Variants in HSF1 observed in about 807,000 individuals in gnomAD.
HSF1 encodes the protein heat shock factor protein 1.
A neutral mutation model predicts 51.7 loss-of-function variants in HSF1; 32 were observed. That is an observed-to-expected ratio of 0.62 (90% CI 0.47 to 0.83). The LOEUF is 0.83. Ranked by LOEUF, HSF1 falls within the 40% of genes least tolerant of loss-of-function variation. The pLI is 0.00. For synonymous variants in HSF1, 396 were observed against 309.7 expected, an observed-to-expected ratio of 1.28 and a Z score of -2.92; for missense variants, 727 against 717.0, an observed-to-expected ratio of 1.01 and a Z score of -0.16.
At position 144,313,604 on chromosome 8, in the gene HSF1, T is replaced by G; in HGVS notation, c.1236T>G (p.Ser412Arg). Residue 412 changes from serine (S) to arginine (R), a missense_variant, in exon 10 of 13, where the codon AGT becomes AGG. Ser to Arg is a moderately radical substitution (Grantham distance 110). This residue lies in a region of HSF1 where 470 missense variants were observed against 398.8 expected (regional missense o/e 1.18). Transcript: ENST00000528838. ...LSSHGFSVDT[S>R]ALLDLFSPSV... ...GCCACGGCTTCAGCGTGGACACCAG[T>G]GCCCTGCTGGACGTGAGTGGAGCCC... 1 of 1,598,358 alleles carries G rather than the reference T, an allele frequency of 6.3e-7. No individual in the cohort carries two copies. Among genetic ancestry groups the G allele is most frequent in the East Asian group, 2.3e-5 (1 of 44,138 alleles).
intron 8 of HSF1, 32 bp downstream of exon 8, chr8:144,311,868 C>T (rs1354781235): frequency 3.8e-6 from 6 of 1,589,130 alleles, no homozygotes; most frequent in Non-Finnish European, 5.1e-6. Flanking sequence ...CCATCCTGTC[C>T]CCCAATGAGG....
chr8:144,313,840 C>G lies in HSF1; in HGVS notation c.1249-6C>G. ...TGCTGTTCTGACTTCCCTCCCTCCT[C>G]CGCAGCTGTTCAGCCCCTCGGTGAC... On this transcript the variant is annotated splice_region_variant and splice_polypyrimidine_tract_variant and intron_variant, in intron 10 of 12. Coordinates refer to ENST00000528838, the MANE Select transcript of HSF1 (RefSeq NM_005526.4). 6.4e-7 allele frequency: 1 copy of G among 1,573,174 alleles called. No individual in the cohort carries two copies. The highest frequency in any genetic ancestry group is 8.6e-7 in the Non-Finnish European group (1 of 1,164,790).
chr8:144,304,270 G>A (rs1450680713), intron 1 of HSF1, among the ~76,000 whole-genome samples: 2 of 152,226 alleles, frequency 1.3e-5, no homozygotes, highest in African/African-American at 4.8e-5. Flanking sequence ...CGTACCAGGT[G>A]TCAGTAGATT....
chr8:144,313,642 TCCCCGCCCCGCCTCCCCGCCGCGCCG>T lies in HSF1; in HGVS notation c.1248+34_1248+59del, dbSNP rs1816868884. The T allele has an allele frequency of 7.7e-5, 26 of 339,656 alleles. 1 individual carries two copies. The highest frequency in any genetic ancestry group is 9.6e-5 in the African/African-American group (2 of 20,878). The allele number at this position is 339,656 out of a possible 1,614,324, so 21.0% of individuals were successfully genotyped here. A position where few individuals can be genotyped will look rare whatever the true frequency, so the allele number is the denominator to read the frequency against. Reference sequence around the variant, plus strand: ...GTGAGTGGAGCCCCGCCGCCCCGCCTCCCCGCCCCGCCTCCCCGCCGCGCCGCCCCGCCTCCCCGCCCCGCCTCCCC... The same window carrying T: ...GTGAGTGGAGCCCCGCCGCCCCGCCTCCCCGCCTCCCCGCCCCGCCTCCCC... On this transcript the variant is annotated intron_variant, in intron 10 of 12. Transcript: ENST00000528838.
At chr8:144,312,342 C>G in intron 9 of HSF1, 98 bp downstream of exon 9, 1 of 951,646 alleles carries the variant, frequency 1.1e-6, no homozygotes, top group Non-Finnish European at 1.6e-6. Context: ...GGGCAGCTGG[C>G]GAGGCAGGAC....
chr8:144,311,499 C>G lies in HSF1; in HGVS notation c.627-6C>G. ...GGTGGTGGCTGACCTGCACCCTTCCCCACAGCCCCCTGATGCTGAACGACA... is the reference window on the plus strand; with the variant it reads ...GGTGGTGGCTGACCTGCACCCTTCCGCACAGCCCCCTGATGCTGAACGACA... On this transcript the variant is annotated splice_polypyrimidine_tract_variant and splice_region_variant and intron_variant, in intron 6 of 12. Coordinates refer to ENST00000528838, the MANE Select transcript of HSF1 (RefSeq NM_005526.4). 3 of 1,613,610 alleles carry G rather than the reference C, an allele frequency of 1.9e-6. No individual in the cohort carries two copies. The highest frequency in any genetic ancestry group is 2.5e-6 in the Non-Finnish European group (3 of 1,179,958).
intron 4 of HSF1, chr8:144,310,599 G>A (rs1042075722): frequency 1.2e-5 from 2 of 162,720 alleles, no homozygotes; most frequent in African/African-American, 4.8e-5. Flanking sequence ...GATTCCTGGA[G>A]TCCGGCCACG....
chr8:144,297,127 AG>A lies in HSF1; in HGVS notation c.117+5256del, dbSNP rs1815523068. On this transcript the variant is annotated intron_variant, in intron 1 of 12. Coordinates refer to ENST00000528838, the MANE Select transcript of HSF1 (RefSeq NM_005526.4). The surrounding 1 kb of genome is among the most constrained non-coding windows in gnomAD (Gnocchi z 4.6). ...GTTTTGGAGGAGTCAGCCTGTGTGCAGGGCGAGCTGGAGAGGGGTCGGTGGG... is the reference window on the plus strand; with the variant it reads ...GTTTTGGAGGAGTCAGCCTGTGTGCAGGCGAGCTGGAGAGGGGTCGGTGGG... 6.6e-6 allele frequency among the ~76,000 whole-genome samples: 1 copy of A among 152,158 alleles called. No individual in the cohort carries two copies. The highest frequency in any genetic ancestry group is 6.5e-5 in the Admixed American group (1 of 15,270).
At position 144,311,961 on chromosome 8, in the gene HSF1, A is replaced by C; in HGVS notation, c.861-2A>C. Reference sequence around the variant, plus strand: ...AGCTCACCTGGCCCCCCTCGTGTGCAGGCCCCTATCCAGCAGCCCCCTGGT... The same window carrying C: ...AGCTCACCTGGCCCCCCTCGTGTGCCGGCCCCTATCCAGCAGCCCCCTGGT... On this transcript the variant is annotated splice_acceptor_variant, in intron 8 of 12. Coordinates refer to ENST00000528838, the MANE Select transcript of HSF1 (RefSeq NM_005526.4). LOFTEE classifies it high-confidence loss of function. The C allele has an allele frequency of 6.3e-7, 1 of 1,582,020 alleles. No homozygotes were observed. The highest frequency in any genetic ancestry group is 8.6e-7 in the Non-Finnish European group (1 of 1,164,828).
intron 1 of HSF1, among the ~76,000 whole-genome samples, chr8:144,308,553 G>T (rs1816378459): frequency 6.6e-6 from 1 of 150,882 alleles, no homozygotes; most frequent in Admixed American, 6.6e-5. Context: ...GGTGCTTTGT[G>T]AGTGGAAATG....
intron 11 of HSF1, 36 bp downstream of exon 11, chr8:144,313,947 C>T: frequency 6.2e-7 from 1 of 1,610,430 alleles, no homozygotes; most frequent in Non-Finnish European, 8.5e-7. Flanking sequence ...GGGAACGAGA[C>T]CAGCGGGAGT....
At chr8:144,310,072 GC>G in intron 4 of HSF1, 176 bp downstream of exon 4, 1 of 711,008 alleles carries the variant, frequency 1.4e-6, no homozygotes, top group Non-Finnish European at 2.3e-6. Context: ...TGCTGCAACA[GC>G]TCTGGGGCCA....
At chr8:144,312,352 C>A in intron 9 of HSF1, 108 bp downstream of exon 9, 1 of 887,160 alleles carries the variant, frequency 1.1e-6, no homozygotes, top group Non-Finnish European at 1.7e-6. Context: ...CGAGGCAGGA[C>A]CCTACCCCCA....
chr8:144,308,856 A>G (rs1554843724), intron 1 of HSF1, 50 bp from the exon 2 acceptor site: 1 of 1,464,906 alleles, frequency 6.8e-7, no homozygotes, highest in South Asian at 1.1e-5. Flanking sequence ...CGGCTTGGGC[A>G]CGCTGCCCCT....
Position 144,303,396 on chromosome 8 carries a change from T to C in HSF1, c.118-5510T>C, listed in dbSNP as rs1816022521. Among the ~76,000 whole-genome samples the C allele has an allele frequency of 2.0e-5, 3 of 152,094 alleles. No individual in the cohort carries two copies. In the East Asian group the frequency reaches 5.8e-4, roughly 30 times the overall value. On this transcript the variant is annotated intron_variant, in intron 1 of 12. Coordinates refer to ENST00000528838, the MANE Select transcript of HSF1 (RefSeq NM_005526.4). ...TCTTGGGCTGAACTTTCAAATAAAA[T>C]GAGTTTCCTCAGGGAGCTTCAGAGC...
In HSF1 at chr8:144,314,073, G is replaced by A; in HGVS notation, c.1384+19G>A. ...GATTCAGGTGAGCCAAGTCCCACCG[G>A]CCCCACCTCTGCCCCCAACCCCCCA... On this transcript the variant is annotated intron_variant, in intron 12 of 12. Coordinates refer to ENST00000528838, the MANE Select transcript of HSF1 (RefSeq NM_005526.4). 1 of 1,601,904 alleles carries A rather than the reference G, an allele frequency of 6.2e-7. No individual in the cohort carries two copies. The highest frequency in any genetic ancestry group is 8.5e-7 in the Non-Finnish European group (1 of 1,175,074).
chr8:144,312,309 C>T (rs956435607), intron 9 of HSF1, 65 bp downstream of exon 9: 21 of 1,202,130 alleles, frequency 1.7e-5, no homozygotes, highest in African/African-American at 9.0e-5. Flanking sequence ...GCTTCAGCCC[C>T]GACTGTCCCA....
intron 1 of HSF1, among the ~76,000 whole-genome samples, chr8:144,305,941 A>G (rs1816196654): frequency 6.6e-6 from 1 of 151,382 alleles, no homozygotes; most frequent in Non-Finnish European, 1.5e-5. Flanking sequence ...CATGTTGGTC[A>G]GGTTGGTCTC....
intron 1 of HSF1, among the ~76,000 whole-genome samples, chr8:144,305,108 G>A (rs1034863455): frequency 1.4e-5 from 2 of 147,210 alleles, no homozygotes; most frequent in Non-Finnish European, 3.0e-5. Context: ...CCACTGTGCC[G>A]GCTAATTTTT....
Sources: gnomAD v4.1 joint callset for allele counts (sites outside exome capture counted in the v4.1 genomes callset) on GRCh38, gnomAD v4.1.1 for gene constraint, gnomAD v4.1.1 regional missense constraint, Gnocchi (gnomAD v3.1) non-coding constraint, MANE v1.5 for transcripts, NCBI Gene and HGNC (gene_info 2026-07-23, HGNC 2026-07-21) for gene names.